Variants in BMPER observed in about 807,000 individuals in gnomAD.
BMPER encodes BMP binding endothelial regulator.
Under a neutral mutation model 87.3 loss-of-function variants are expected in BMPER, and 45 were observed. That is an observed-to-expected ratio of 0.52 (90% CI 0.41 to 0.66). BMPER has a LOEUF of 0.66. BMPER is among the 30% of genes least tolerant of loss of function. The pLI is 0.00. For missense variants in BMPER, 784 were observed against 867.5 expected (o/e 0.90, Z 1.21); for synonymous variants, 326 against 316.2 (o/e 1.03, Z -0.33).
intron 11 of BMPER, among the ~76,000 whole-genome samples, chr7:34,065,249 C>CTCTCTCTCCCT (rs1788555867): frequency 1.7e-5 from 1 of 58,490 alleles, no homozygotes; most frequent in Non-Finnish European, 3.9e-5. Context: ...TCTCTCTCTC[C>CTCTCTCTCCCT]CTCTCTCTCT....
In BMPER at chr7:33,953,100, C is replaced by T. The variant is rs548993517; in HGVS notation, c.320-13379C>T. On this transcript the variant is annotated intron_variant, in intron 3 of 14. Transcript: ENST00000649409. Reference sequence around the variant, plus strand: ...AGTCCTCTGACTGTCGGAGAGTGTCCAGGCATTCTCCGAACCTGCACTGTG... The same window carrying T: ...AGTCCTCTGACTGTCGGAGAGTGTCTAGGCATTCTCCGAACCTGCACTGTG... Among the ~76,000 whole-genome samples the T allele has an allele frequency of 8.7e-4, 132 of 152,296 alleles. 1 individual carries two copies. Among genetic ancestry groups the T allele is most frequent in the African/African-American group, 3.0e-3 (126 of 41,564 alleles).
chr7:33,909,279 G>A (rs550694701), intron 2 of BMPER, among the ~76,000 whole-genome samples: 1 of 152,188 alleles, frequency 6.6e-6, no homozygotes, highest in East Asian at 1.9e-4. Flanking sequence ...TCTCAGTTTT[G>A]TCTGCCTCTA....
intron 14 of BMPER, among the ~76,000 whole-genome samples, chr7:34,148,326 A>G (rs994168015): frequency 2.0e-5 from 3 of 152,176 alleles, no homozygotes; most frequent in Non-Finnish European, 4.4e-5. Flanking sequence ...TCAGTGTTGA[A>G]CTAATGTCTT....
intron 11 of BMPER, among the ~76,000 whole-genome samples, chr7:34,065,749 A>G (rs2127967300): frequency 6.6e-6 from 1 of 152,352 alleles, no homozygotes; most frequent in East Asian, 1.9e-4. Flanking sequence ...CTAAAAATAA[A>G]TTTGTACTCC....
At chr7:34,062,832 T>C (rs1201075965) in intron 11 of BMPER, among the ~76,000 whole-genome samples, 1 of 152,224 alleles carries the variant, frequency 6.6e-6, no homozygotes, top group African/African-American at 2.4e-5. Flanking sequence ...TGCAGTATTA[T>C]ATTCCTATGG....
At chr7:34,010,048 A>G (rs191132836) in intron 6 of BMPER, among the ~76,000 whole-genome samples, 1 of 151,868 alleles carries the variant, frequency 6.6e-6, no homozygotes, top group Non-Finnish European at 1.5e-5. Flanking sequence ...AGCTCCAAAT[A>G]CTTTTATTTA....
Position 34,055,345 on chromosome 7 carries a change from C to T in BMPER, c.927+42C>T, listed in dbSNP as rs376728210. ...GCACATGGGAACTCCTGTATTACTA[C>T]GCTGACAATTAAAAAGCTCCAGACA... On this transcript the variant is annotated intron_variant, in intron 9 of 14. Transcript: ENST00000649409. 4.9e-4 allele frequency: 784 copies of T among 1,612,138 alleles called. 15 individuals carry two copies. The South Asian group carries it at 6.8e-3, about 14-fold the overall frequency.
chr7:34,007,397 A>G (rs951979821), intron 6 of BMPER, among the ~76,000 whole-genome samples: 1 of 152,096 alleles, frequency 6.6e-6, no homozygotes, highest in African/African-American at 2.4e-5. Context: ...GTGAAAATAC[A>G]GGCTTCTACT....
At chr7:34,022,009 T>C (rs1466151813) in intron 6 of BMPER, among the ~76,000 whole-genome samples, 2 of 152,058 alleles carry the variant, frequency 1.3e-5, no homozygotes, top group African/African-American at 4.8e-5. Context: ...GAATTTGTGG[T>C]GAAGACCTTT....
chr7:33,991,066 T>A (rs1786200393), intron 6 of BMPER, among the ~76,000 whole-genome samples: 1 of 146,766 alleles, frequency 6.8e-6, no homozygotes, highest in South Asian at 2.3e-4. Context: ...AGGATATTGG[T>A]CTAAAATTCT....
At chr7:34,057,122 GA>G (rs2127962925) in intron 9 of BMPER, among the ~76,000 whole-genome samples, 1 of 152,280 alleles carries the variant, frequency 6.6e-6, no homozygotes, top group South Asian at 2.1e-4. Context: ...GTCAGGAAGG[GA>G]AAGAGGCAGG....
intron 2 of BMPER, among the ~76,000 whole-genome samples, chr7:33,908,462 T>C (rs1313313534): frequency 6.6e-6 from 1 of 152,182 alleles, no homozygotes; most frequent in Admixed American, 6.5e-5. Flanking sequence ...CCCTTTTCAG[T>C]ACTCCTACCC....
intron 13 of BMPER, among the ~76,000 whole-genome samples, chr7:34,127,081 A>G (rs1790423003): frequency 6.6e-6 from 1 of 152,236 alleles, no homozygotes. Flanking sequence ...ACTATGAAAA[A>G]TAAAACCAGC....
At chr7:33,965,039 A>G (rs1462014532) in intron 3 of BMPER, among the ~76,000 whole-genome samples, 1 of 152,222 alleles carries the variant, frequency 6.6e-6, no homozygotes, top group Non-Finnish European at 1.5e-5. Flanking sequence ...GATTTATGCT[A>G]GCCCAAATTG....
chr7:34,122,893 A>G (rs1178462017), intron 13 of BMPER, among the ~76,000 whole-genome samples: 1 of 152,234 alleles, frequency 6.6e-6, no homozygotes, highest in African/African-American at 2.4e-5. Flanking sequence ...GGGGGAAGAT[A>G]TAATGCTCTT....
chr7:34,079,129 G>T lies in BMPER; in HGVS notation c.1351G>T (p.Ala451Ser). The T allele has an allele frequency of 6.2e-7, 1 of 1,613,872 alleles. No individual in the cohort carries two copies. The highest frequency in any genetic ancestry group is 8.5e-7 in the Non-Finnish European group (1 of 1,179,968). Residue 451 changes from alanine (A) to serine (S), a missense_variant, in exon 12 of 15, where the codon GCG becomes TCG. Ala to Ser is a moderately conservative substitution (Grantham distance 99). Transcript: ENST00000649409. ...NGSRIALPCR[A>S]PHFHIDLDGY... ...CTCGCGCATCGCGCTCCCCTGCCGCGCGCCACACTTCCACATCGACCTGGA... is the reference window on the plus strand; with the variant it reads ...CTCGCGCATCGCGCTCCCCTGCCGCTCGCCACACTTCCACATCGACCTGGA...
At chr7:34,001,028 A>G (rs889173142) in intron 6 of BMPER, among the ~76,000 whole-genome samples, 1 of 151,966 alleles carries the variant, frequency 6.6e-6, no homozygotes, top group African/African-American at 2.4e-5. Flanking sequence ...CATTTCTGCG[A>G]TAACTCTCAC....
intron 11 of BMPER, 110 bp downstream of exon 11, chr7:34,062,157 T>C (rs1020083316): frequency 9.8e-7 from 1 of 1,024,538 alleles, no homozygotes; most frequent in South Asian, 1.4e-5. Context: ...TGTAGGTATA[T>C]ATAGGATGGG....
At chr7:33,950,048 T>C (rs1448490294) in intron 3 of BMPER, among the ~76,000 whole-genome samples, 1 of 152,186 alleles carries the variant, frequency 6.6e-6, no homozygotes, top group Non-Finnish European at 1.5e-5. Context: ...TCTCAACCCA[T>C]TTATTCCTGG....
Sources: allele counts gnomAD v4.1 joint callset (sites outside exome capture counted in the v4.1 genomes callset), GRCh38; gene constraint gnomAD v4.1.1; transcripts MANE v1.5; gene names NCBI Gene and HGNC (gene_info 2026-07-23, HGNC 2026-07-21).